Variants in DNASE1 observed in about 807,000 individuals in gnomAD.
The protein encoded by DNASE1 is deoxyribonuclease 1, also known as deoxyribonuclease-1.
DNASE1 carries 40 observed loss-of-function variants against 33.9 expected under a neutral mutation model. The observed-to-expected ratio is 1.18, with a 90% CI of 0.92 to 1.54. DNASE1 has a LOEUF of 1.54. DNASE1 is among the 40% of genes most tolerant of loss of function. DNASE1 has a pLI of 0.00. For synonymous variants in DNASE1, 216 were observed against 160.0 expected, an observed-to-expected ratio of 1.35 and a Z score of -2.64; for missense variants, 518 against 372.6, an observed-to-expected ratio of 1.39 and a Z score of -3.21.
chr16:3,627,045 T>G (rs1281782495), intron 1 of DNASE1, among the ~76,000 whole-genome samples: 1 of 151,702 alleles, frequency 6.6e-6, no homozygotes, highest in Non-Finnish European at 1.5e-5. Context: ...TTAAATTTTT[T>G]TTTTTTTTTT....
upstream of DNASE1, among the ~76,000 whole-genome samples, chr16:3,638,423 C>T (rs1303987087): frequency 7.2e-5 from 11 of 152,218 alleles, no homozygotes; most frequent in South Asian, 2.1e-4. Flanking sequence ...CTGCAAGCTC[C>T]GCCTCCAGGG....
exon 1 of DNASE1, chr16:3,611,814 T>C (rs12924990): frequency 0.12 from 17,898 of 152,182 alleles, 1,441 homozygotes; most frequent in Non-Finnish European, 0.17. Flanking sequence ...GAGAAAGAGT[T>C]AGGGCGAGTT....
exon 10 of DNASE1, chr16:3,663,344 A>C: frequency 1.3e-6 from 2 of 1,568,468 alleles, no homozygotes; most frequent in Non-Finnish European, 1.7e-6. Context: ...GAAAACCCAA[A>C]GGAAGCCCTC....
At chr16:3,638,139 G>GTGTGTGTGTGTT (rs1491225370), upstream of DNASE1, among the ~76,000 whole-genome samples, 1 of 146,926 alleles carries the variant, frequency 6.8e-6, no homozygotes, top group South Asian at 2.1e-4. Flanking sequence ...GTGTGTGTGT[G>GTGTGTGTGTGTT]TTTTTCCCAG....
chr16:3,663,085 G>C (rs553112260), downstream of DNASE1: 1 of 784,836 alleles, frequency 1.3e-6, no homozygotes, highest in South Asian at 1.8e-5. Flanking sequence ...GGAGACACAA[G>C]CTAGCAAGAT....
intron 4 of DNASE1, 112 bp downstream of exon 4, chr16:3,656,297 G>C (rs2032496270): frequency 6.7e-6 from 8 of 1,193,818 alleles, no homozygotes; most frequent in Non-Finnish European, 9.8e-6. Context: ...TGAGGCTTCA[G>C]AGCAGGGTCC....
At position 3,657,589 on chromosome 16, in the gene DNASE1, A is replaced by G. The variant is rs1344154800; in HGVS notation, c.705-131A>G. 7.7e-6 allele frequency: 10 copies of G among 1,306,526 alleles called. No homozygotes were observed. The African/African-American group carries it at 8.8e-5, about 12-fold the overall frequency. 80.9% of individuals were successfully genotyped at this position (1,306,526 alleles called of 1,614,324 possible). A position where few individuals can be genotyped will look rare whatever the true frequency, so the allele number is the denominator to read the frequency against. On this transcript the variant is annotated intron_variant, in intron 7 of 8. Coordinates refer to ENST00000246949, the MANE Select transcript of DNASE1 (RefSeq NM_005223.4). ...GTTTCCACATTGAGGGGCACAGACC[A>G]GGGTGTGCAGTTTTGGGCACCCACA...
intron 1 of DNASE1, among the ~76,000 whole-genome samples, chr16:3,633,599 A>C (rs2041769340): frequency 1.4e-5 from 2 of 147,066 alleles, no homozygotes; most frequent in South Asian, 4.3e-4. Flanking sequence ...CAAGAGCGAG[A>C]CTCCATCTCA....
At chr16:3,663,360 G>A (rs924788085) in exon 10 of DNASE1, 27 of 1,596,848 alleles carry the variant, frequency 1.7e-5, no homozygotes, top group Middle Eastern at 1.7e-4. Flanking sequence ...CCCTCGCTGC[G>A]GGGCAGGAGA....
At chr16:3,663,898 A>G (rs1360219885) in exon 10 of DNASE1, 6 of 359,502 alleles carry the variant, frequency 1.7e-5, no homozygotes, top group Non-Finnish European at 2.6e-5. Flanking sequence ...TGCCGTCTCT[A>G]TTAAAAATAC....
rs1274970363 is a variant in DNASE1, at chr16:3,657,773, T to C, written c.758T>C (p.Leu253Pro). The change falls in exon 8 of 9, where the codon CTT (leucine) becomes CCT (proline). Residue 253 changes from leucine to proline, a missense_variant. Coordinates refer to ENST00000246949, the MANE Select transcript of DNASE1 (RefSeq NM_005223.4). ...LRGAVVPDSALPFNFQAAYGL... is the reference protein window; with the variant it reads ...LRGAVVPDSAPPFNFQAAYGL... ...GGCGCCGTTGTTCCCGACTCGGCTCTTCCCTTTAACTTCCAGGCTGCCTAT... is the reference window on the plus strand; with the variant it reads ...GGCGCCGTTGTTCCCGACTCGGCTCCTCCCTTTAACTTCCAGGCTGCCTAT... The C allele has an allele frequency of 1.2e-6, 2 of 1,613,958 alleles. No homozygotes were observed. The highest frequency in any genetic ancestry group is 2.7e-5 in the African/African-American group (2 of 74,928).
chr16:3,656,941 A>G (rs749998546), intron 5 of DNASE1, 58 bp from the exon 6 acceptor site: 17 of 1,591,746 alleles, frequency 1.1e-5, no homozygotes, highest in Non-Finnish European at 1.5e-5. Flanking sequence ...TCCAGCTGAC[A>G]TGGTGACTGA....
chr16:3,654,950 T>C lies in DNASE1; in HGVS notation c.-96T>C, dbSNP rs1332464472. 2.4e-5 allele frequency: 11 copies of C among 461,638 alleles called. No homozygotes were observed. Among genetic ancestry groups the C allele is most frequent in the African/African-American group, 4.0e-5 (2 of 50,044 alleles). 28.6% of individuals were successfully genotyped at this position (461,638 alleles called of 1,614,324 possible). On this transcript the variant is annotated 5_prime_UTR_variant, in exon 1 of 9. Coordinates refer to ENST00000246949, the MANE Select transcript of DNASE1 (RefSeq NM_005223.4). ...CCTTTCTTCATAGACTACTTTTTTT[T>C]CTTTAAGCAGCAAAAGGAGAAAATT...
At chr16:3,662,386 A>G (rs2043134285), downstream of DNASE1, 1 of 580,944 alleles carries the variant, frequency 1.7e-6, no homozygotes, top group Admixed American at 3.0e-5. Context: ...AGCTGCCCGA[A>G]TCCATCGTCC....
chr16:3,624,824 G>C (rs759383792), intron 1 of DNASE1, among the ~76,000 whole-genome samples: 28 of 152,164 alleles, frequency 1.8e-4, no homozygotes, highest in South Asian at 4.1e-4. Flanking sequence ...CTGTAGCTGA[G>C]AATATAGGTT....
chr16:3,614,203 C>T (rs964203604), intron 1 of DNASE1, among the ~76,000 whole-genome samples: 4 of 152,068 alleles, frequency 2.6e-5, no homozygotes, highest in East Asian at 1.9e-4. Context: ...TGAGCCACCG[C>T]GCCCGGCGTA....
Position 3,655,411 on chromosome 16 carries a change from T to C in DNASE1, c.38T>C (p.Leu13Pro). 1 of 1,614,026 alleles carries C rather than the reference T, an allele frequency of 6.2e-7. No individual in the cohort carries two copies. The change falls in exon 2 of 9, where the codon CTG becomes CCG. Residue 13 changes from leucine to proline, a missense_variant. Leu to Pro is a moderately conservative substitution (Grantham distance 98). Transcript: ENST00000246949. The stretch of plus-strand genomic sequence containing the variant: ...AAGCTGCTGGGGGCGCTGCTGGCAC[T>C]GGCGGCCCTACTGCAGGGGGCCGTG... ...GMKLLGALLALAALLQGAVSL... is the reference protein window; with the variant it reads ...GMKLLGALLAPAALLQGAVSL...
At chr16:3,629,936 C>T (rs958841110) in intron 1 of DNASE1, among the ~76,000 whole-genome samples, 1 of 152,196 alleles carries the variant, frequency 6.6e-6, no homozygotes, top group Admixed American at 6.5e-5. Context: ...GCTTCAGCCT[C>T]CCAAGTAGCT....
chr16:3,623,785 A>G (rs2151165520), intron 1 of DNASE1, among the ~76,000 whole-genome samples: 1 of 152,278 alleles, frequency 6.6e-6, no homozygotes, highest in East Asian at 1.9e-4. Context: ...AAGACATACA[A>G]GCGGCAAAGA....
Sources: gnomAD v4.1 joint callset for allele counts (sites outside exome capture counted in the v4.1 genomes callset) on GRCh38, gnomAD v4.1.1 for gene constraint, MANE v1.5 for transcripts, NCBI Gene and HGNC (gene_info 2026-07-23, HGNC 2026-07-21) for gene names.